GALNT13: variants seen among roughly 807,000 people sequenced by gnomAD.
The protein encoded by GALNT13 is UDP-GalNAc:polypeptide N-acetylgalactosaminyltransferase 13.
Under a neutral mutation model 64.2 loss-of-function variants are expected in GALNT13, and 28 were observed. The observed-to-expected ratio is 0.44, with a 90% confidence interval of 0.32 to 0.60. The LOEUF is 0.60. Ranked by LOEUF, GALNT13 falls within the 20% of genes least tolerant of loss-of-function variation. The pLI, the probability that GALNT13 is intolerant of heterozygous loss-of-function variation, is 0.05. For synonymous variants in GALNT13, 214 were observed against 224.6 expected (o/e 0.95, Z 0.42); for missense variants, 577 against 669.8 (o/e 0.86, Z 1.53).
At chr2:153,085,992 A>T in the GALNT13 span, among the ~76,000 whole-genome samples, 1 of 152,170 alleles carries the variant, frequency 6.6e-6, no homozygotes, top group Non-Finnish European at 1.5e-5. Context: ...CATGCCCTAA[A>T]TGTGAGACAT....
intron 3 of GALNT13, among the ~76,000 whole-genome samples, chr2:154,098,833 G>C (rs1394938809): frequency 6.6e-6 from 1 of 151,968 alleles, no homozygotes; most frequent in Non-Finnish European, 1.5e-5. Flanking sequence ...TGAAGGACAG[G>C]TTGATTCCAT....
At chr2:153,380,248 C>A in the GALNT13 span, among the ~76,000 whole-genome samples, 1 of 152,122 alleles carries the variant, frequency 6.6e-6, no homozygotes. Context: ...AAACAGTACA[C>A]TCTAAGAACT....
chr2:154,262,017 G>A (rs777360603), intron 8 of GALNT13, among the ~76,000 whole-genome samples: 7 of 152,042 alleles, frequency 4.6e-5, no homozygotes, highest in Non-Finnish European at 8.8e-5. Context: ...TCACTTGATC[G>A]CTGTACTTAA....
intron 2 of GALNT13, among the ~76,000 whole-genome samples, chr2:153,933,917 G>T (rs958818098): frequency 4.6e-5 from 7 of 152,058 alleles, no homozygotes; most frequent in Non-Finnish European, 8.8e-5. Context: ...CTGAATATAG[G>T]CCCCACAGTC....
At chr2:153,483,622 G>T in the GALNT13 span, among the ~76,000 whole-genome samples, 1 of 151,942 alleles carries the variant, frequency 6.6e-6, no homozygotes, top group African/African-American at 2.4e-5. Flanking sequence ...ATCCATGTTG[G>T]TCAGGCTGGT....
the GALNT13 span, among the ~76,000 whole-genome samples, chr2:153,405,158 A>G: frequency 6.6e-6 from 1 of 152,236 alleles, no homozygotes; most frequent in South Asian, 2.1e-4. Flanking sequence ...AGTTTTATAT[A>G]TAAATATACA....
chr2:153,609,026 C>T, the GALNT13 span, among the ~76,000 whole-genome samples: 1 of 151,086 alleles, frequency 6.6e-6, no homozygotes. Context: ...AGGCCATGCT[C>T]CCCACTCAGC....
chr2:153,967,840 T>G (rs1360418665), intron 3 of GALNT13, among the ~76,000 whole-genome samples: 1 of 152,104 alleles, frequency 6.6e-6, no homozygotes, highest in Admixed American at 6.5e-5. Flanking sequence ...AACCTGTCAG[T>G]GCAGTGGATT....
intron 3 of GALNT13, among the ~76,000 whole-genome samples, chr2:154,065,138 A>G (rs149172122): frequency 6.6e-6 from 1 of 152,190 alleles, no homozygotes; most frequent in Non-Finnish European, 1.5e-5. Flanking sequence ...GGGAGAGACT[A>G]CTTTGCTTGT....
chr2:153,298,022 A>G, the GALNT13 span, among the ~76,000 whole-genome samples: 1 of 152,150 alleles, frequency 6.6e-6, no homozygotes, highest in Non-Finnish European at 1.5e-5. Flanking sequence ...CTGAGCATGT[A>G]ATTTAGGAGA....
chr2:153,656,817 C>T, the GALNT13 span, among the ~76,000 whole-genome samples: 3 of 152,046 alleles, frequency 2.0e-5, no homozygotes, highest in East Asian at 5.8e-4. Flanking sequence ...TTTGGACTTC[C>T]TTGAGAAAGT....
intron 3 of GALNT13, among the ~76,000 whole-genome samples, chr2:153,980,145 G>A (rs769597559): frequency 6.6e-6 from 1 of 152,196 alleles, no homozygotes; most frequent in Non-Finnish European, 1.5e-5. Context: ...GAGACAGGGA[G>A]AATGCTAATA....
the GALNT13 span, among the ~76,000 whole-genome samples, chr2:153,257,394 T>C: frequency 6.6e-6 from 1 of 151,972 alleles, no homozygotes; most frequent in African/African-American, 2.4e-5. Flanking sequence ...CAGATGGAAA[T>C]GCAGAAATCA....
chr2:153,821,911 A>G, the GALNT13 span, among the ~76,000 whole-genome samples: 1 of 152,166 alleles, frequency 6.6e-6, no homozygotes, highest in African/African-American at 2.4e-5. Flanking sequence ...ATTACAACTG[A>G]TTCAAAAGTA....
intron 4 of GALNT13, among the ~76,000 whole-genome samples, chr2:154,176,285 TTATTTATG>T (rs1356386989): frequency 1.4e-5 from 2 of 145,694 alleles, no homozygotes; most frequent in Non-Finnish European, 1.5e-5. Flanking sequence ...ATTTATTTAT[TTATTTATG>T]GGATGGAGTC....
the GALNT13 span, among the ~76,000 whole-genome samples, chr2:153,403,407 T>C: frequency 2.0e-5 from 3 of 152,074 alleles, no homozygotes; most frequent in East Asian, 1.9e-4. Context: ...CCCCCAGAGG[T>C]GGAGCCTACA....
In GALNT13 at chr2:153,917,143, A is replaced by C. The variant is rs190365961; in HGVS notation, c.-105+16136A>C. ...AATTCTGTGCATTTTTTTTTTGCCTAACACAGATTCTTTTGCCAAAAGAAA... is the reference window on the plus strand; with the variant it reads ...AATTCTGTGCATTTTTTTTTTGCCTCACACAGATTCTTTTGCCAAAAGAAA... On this transcript the variant is annotated intron_variant, in intron 2 of 12. Transcript: ENST00000392825. Among the ~76,000 whole-genome samples the C allele has an allele frequency of 4.1e-3, 617 of 151,398 alleles. 3 individuals carry two copies. The highest frequency in any genetic ancestry group is 0.014 in the African/African-American group (590 of 41,268).
the GALNT13 span, among the ~76,000 whole-genome samples, chr2:153,401,643 G>A: frequency 1.3e-5 from 2 of 150,738 alleles, no homozygotes; most frequent in African/African-American, 4.9e-5. Context: ...AGGATAGTTA[G>A]CTCTTCTTGT....
the GALNT13 span, among the ~76,000 whole-genome samples, chr2:153,544,893 C>A: frequency 6.6e-6 from 1 of 152,010 alleles, no homozygotes; most frequent in African/African-American, 2.4e-5. Flanking sequence ...TAAAATAAAG[C>A]CATGACAGAT....
Sources: allele counts gnomAD v4.1 joint callset (sites outside exome capture counted in the v4.1 genomes callset), GRCh38; gene constraint gnomAD v4.1.1; transcripts MANE v1.5; gene names NCBI Gene and HGNC (gene_info 2026-07-23, HGNC 2026-07-21).